REPS2: variants seen among roughly 807,000 people sequenced by gnomAD.
REPS2 encodes the protein ralBP1-associated Eps domain-containing protein 2.
REPS2 carries 23 observed loss-of-function variants against 53.6 expected under a neutral mutation model. The observed-to-expected ratio is 0.43, with a 90% confidence interval of 0.31 to 0.61. REPS2 has a LOEUF of 0.61. Among genes scored for constraint, REPS2 ranks in the 20% least tolerant of loss-of-function variants. The pLI is 0.11. For synonymous variants in REPS2, 238 were observed against 218.6 expected (o/e 1.09, Z -0.78); for missense variants, 446 against 534.9 (o/e 0.83, Z 1.64).
intron 1 of REPS2, among the ~76,000 whole-genome samples, chrX:16,972,670 G>C (rs1185564875): frequency 9.0e-6 from 1 of 111,206 alleles, no homozygotes; most frequent in Non-Finnish European, 1.9e-5. Flanking sequence ...TCTTGTGCTT[G>C]TAGATTTAAG....
chrX:17,134,997 G>A (rs2063346320), intron 15 of REPS2, among the ~76,000 whole-genome samples: 1 of 110,743 alleles, frequency 9.0e-6, no homozygotes, highest in Admixed American at 9.6e-5. Flanking sequence ...CCCATGGTGT[G>A]AGATGCACAC....
At chrX:17,180,642 GCACACA>G in the REPS2 span, among the ~76,000 whole-genome samples, 8 of 106,432 alleles carry the variant, frequency 7.5e-5, no homozygotes, top group Non-Finnish European at 1.5e-4. Flanking sequence ...ACACACACAC[GCACACA>G]CACATGCACA....
At chrX:17,007,705 A>G (rs1017843609) in intron 2 of REPS2, among the ~76,000 whole-genome samples, 1 of 112,272 alleles carries the variant, frequency 8.9e-6, no homozygotes, top group East Asian at 2.8e-4. Flanking sequence ...TTCAGTGCAG[A>G]GCAGGTGGGA....
rs74408882 is a variant in REPS2, at chrX:17,012,543, AT to A, written c.397+6212del. Among the ~76,000 whole-genome samples, 562 of 104,975 alleles carry A rather than the reference AT, an allele frequency of 5.4e-3. 3 individuals are homozygous for A. The highest frequency in any genetic ancestry group is 0.018 in the African/African-American group (512 of 29,089). The allele number at this position is 104,975 out of a possible 115,157, so 91.2% of individuals were successfully genotyped here. ...TTATAGTAGGGAAAATGAAGTTGTA[AT>A]TTTTTTTTTTTTCCTAATCAAGGTG... On this transcript the variant is annotated intron_variant, in intron 2 of 17. Transcript: ENST00000357277.
chrX:17,189,297 T>C, the REPS2 span, among the ~76,000 whole-genome samples: 2 of 108,569 alleles, frequency 1.8e-5, no homozygotes, highest in Non-Finnish European at 3.8e-5. Flanking sequence ...TTTCTTTTTT[T>C]TTTTTTTAGA....
chrX:16,984,134 G>A (rs1272011714), intron 1 of REPS2, among the ~76,000 whole-genome samples: 10 of 112,561 alleles, frequency 8.9e-5, no homozygotes. Context: ...AAGCTGGGTG[G>A]TTCTGGCTCA....
In REPS2 at chrX:17,047,065, T is replaced by A. The variant is rs73189115; in HGVS notation, c.772-282T>A. 6.5e-3 allele frequency among the ~76,000 whole-genome samples: 736 copies of A among 112,592 alleles called. 3 individuals are homozygous for A. The highest frequency in any genetic ancestry group is 0.01 in the Non-Finnish European group (544 of 53,307). On this transcript the variant is annotated intron_variant, in intron 5 of 17. Coordinates refer to ENST00000357277, the MANE Select transcript of REPS2 (RefSeq NM_004726.3). ...GAAAATAAGAATGATCATCTTTTTT[T>A]AAACCCTTTATTACAATTAGAAATT...
chrX:17,031,261 G>C (rs1381435333), intron 5 of REPS2, among the ~76,000 whole-genome samples: 1 of 112,048 alleles, frequency 8.9e-6, no homozygotes, highest in East Asian at 2.8e-4. Context: ...GCCAGATCCT[G>C]AATGGTTAGG....
intron 1 of REPS2, among the ~76,000 whole-genome samples, chrX:16,951,548 C>G (rs1021631250): frequency 6.0e-5 from 2 of 33,126 alleles, no homozygotes. Flanking sequence ...CACACACACA[C>G]ACACACACAC....
intron 1 of REPS2, among the ~76,000 whole-genome samples, chrX:16,964,840 C>T (rs749030395): frequency 1.3e-5 from 1 of 77,115 alleles, no homozygotes; most frequent in South Asian, 7.7e-4. Flanking sequence ...AGAGTGGCTC[C>T]TCACTTCCCA....
At chrX:17,127,105 C>T (rs2063221711) in intron 14 of REPS2, among the ~76,000 whole-genome samples, 1 of 111,809 alleles carries the variant, frequency 8.9e-6, no homozygotes, top group Non-Finnish European at 1.9e-5. Context: ...TCCATGTGTC[C>T]TTATCTTTTC....
the REPS2 span, among the ~76,000 whole-genome samples, chrX:17,177,139 A>C: frequency 3.6e-5 from 4 of 112,193 alleles, no homozygotes; most frequent in Admixed American, 3.8e-4. Context: ...GTGTTCCCTT[A>C]GAATTTCCAT....
rs1421957046 is a variant in REPS2 at position 17,062,343 on chromosome X, T to C, written c.1115-95T>C. On this transcript the variant is annotated intron_variant, in intron 8 of 17. Transcript: ENST00000357277. The stretch of plus-strand genomic sequence containing the variant: ...GGTCTATCAGAGCTAGCTGATTTTG[T>C]TGTTATATTTAACAAGCACAGAAAA... 4.9e-6 allele frequency: 3 copies of C among 614,857 alleles called. 1 individual carries two copies. In the East Asian group the frequency reaches 1.1e-4, roughly 22 times the overall value. 50.7% of individuals were successfully genotyped at this position (614,857 alleles called of 1,213,427 possible). A position where few individuals can be genotyped will look rare whatever the true frequency, so the allele number is the denominator to read the frequency against.
At position 17,037,465 on chromosome X, in the gene REPS2, C is replaced by T. The variant is rs112461393; in HGVS notation, c.771+7842C>T. On this transcript the variant is annotated intron_variant, in intron 5 of 17. Transcript: ENST00000357277. The stretch of plus-strand genomic sequence containing the variant: ...CTGGGACTACAGGCGTGCGCCACTG[C>T]GCCTGGCTATTTTTTGTATATATTT... 5.8e-3 allele frequency among the ~76,000 whole-genome samples: 649 copies of T among 112,116 alleles called. 4 individuals carry two copies. The highest frequency in any genetic ancestry group is 0.017 in the African/African-American group (538 of 30,855).
At chrX:17,118,243 G>C (rs2063090206) in intron 14 of REPS2, among the ~76,000 whole-genome samples, 1 of 110,307 alleles carries the variant, frequency 9.1e-6, no homozygotes, top group South Asian at 4.0e-4. Flanking sequence ...ACAGGCGTGA[G>C]CCACCGCGCC....
Position 17,006,353 on chromosome X carries a change from C to CGGAAAA in REPS2, c.397+9_397+10insGGAAAA. ...AGAGAGTATTAAATGTGGTGAGTAT[C>CGGAAAA]TCACATTTGTATGTTTTATTGTCCA... On this transcript the variant is annotated intron_variant, in intron 2 of 17. Coordinates refer to ENST00000357277, the MANE Select transcript of REPS2 (RefSeq NM_004726.3). 8.3e-7 allele frequency: 1 copy of CGGAAAA among 1,203,756 alleles called. No homozygotes were observed. Among genetic ancestry groups the CGGAAAA allele is most frequent in the Non-Finnish European group, 1.1e-6 (1 of 889,227 alleles).
intron 1 of REPS2, among the ~76,000 whole-genome samples, chrX:16,975,010 C>T (rs1273043512): frequency 9.0e-6 from 1 of 111,167 alleles, no homozygotes; most frequent in African/African-American, 3.3e-5. Context: ...GATAATGGCC[C>T]CCAGCTCCAT....
the REPS2 span, among the ~76,000 whole-genome samples, chrX:17,190,291 C>T: frequency 8.9e-6 from 1 of 112,305 alleles, no homozygotes; most frequent in Non-Finnish European, 1.9e-5. Context: ...TAGCAAGTTA[C>T]AGGACACAAG....
intron 13 of REPS2, among the ~76,000 whole-genome samples, chrX:17,091,317 C>G (rs1193086950): frequency 1.8e-5 from 2 of 111,785 alleles, no homozygotes. Flanking sequence ...AGCCTTCTGT[C>G]ATGTTTATTC....
Sources: gnomAD v4.1 joint callset for allele counts (sites outside exome capture counted in the v4.1 genomes callset) on GRCh38, gnomAD v4.1.1 for gene constraint, MANE v1.5 for transcripts, NCBI Gene and HGNC (gene_info 2026-07-23, HGNC 2026-07-21) for gene names.